Variants in SOS2 observed in about 807,000 individuals in gnomAD.
The protein encoded by SOS2 is son of sevenless homolog 2.
In SOS2, 65 loss-of-function variants were observed where a neutral mutation model predicts 148.2. The ratio of observed to expected loss-of-function variants is 0.44; its 90% CI spans 0.36 to 0.54. The LOEUF (loss-of-function observed/expected upper bound fraction) is 0.54. Ranked by LOEUF, SOS2 falls within the 20% of genes least tolerant of loss-of-function variation. The pLI, the probability that SOS2 is intolerant of heterozygous loss-of-function variation, is 0.00. For missense variants in SOS2, 1,341 were observed against 1,590.2 expected (o/e 0.84, Z 2.67); for synonymous variants, 539 against 537.1 (o/e 1.00, Z -0.05).
rs2139783376 is a variant in SOS2 at position 50,200,947 on chromosome 14, T to C, written c.345+6A>G. Reference sequence around the variant, plus strand: ...ACCCCCCAACTAATGTTTAATCTTTTGTTACCTTCAACGAAGGATGGATTT... The same window carrying C: ...ACCCCCCAACTAATGTTTAATCTTTCGTTACCTTCAACGAAGGATGGATTT... On this transcript the variant is annotated splice_donor_region_variant and intron_variant, in intron 3 of 22. Transcript: ENST00000216373. 6.2e-7 allele frequency: 1 copy of C among 1,613,378 alleles called. No individual in the cohort carries two copies. Among genetic ancestry groups the C allele is most frequent in the Non-Finnish European group, 8.5e-7 (1 of 1,179,556 alleles).
intron 21 of SOS2, among the ~76,000 whole-genome samples, chr14:50,124,429 T>C (rs1306003248): frequency 2.0e-5 from 3 of 152,240 alleles, no homozygotes; most frequent in Non-Finnish European, 4.4e-5. Context: ...TTGTCTTTCT[T>C]GTTTGCCACT....
At chr14:50,139,674 AAC>A (rs1200838149) in intron 17 of SOS2, among the ~76,000 whole-genome samples, 6 of 152,238 alleles carry the variant, frequency 3.9e-5, no homozygotes, top group South Asian at 2.1e-4. Context: ...TGATAAAAAT[AAC>A]AGTTACCATT....
intron 1 of SOS2, among the ~76,000 whole-genome samples, chr14:50,225,952 A>AAAAC (rs10534429): frequency 6.6e-5 from 10 of 151,564 alleles, no homozygotes; most frequent in Admixed American, 5.3e-4. Flanking sequence ...AGACCTATTC[A>AAAAC]AAACAAACAA....
chr14:50,218,275 C>T (rs1459179404), intron 1 of SOS2, among the ~76,000 whole-genome samples: 1 of 142,310 alleles, frequency 7.0e-6, no homozygotes. Flanking sequence ...GTAATCCCAG[C>T]ACTTTGGGAG....
In SOS2 at chr14:50,120,309, CGAGGAGGAA is replaced by C; in HGVS notation, c.3446_3454del (p.Leu1149_Pro1151del). ...TGAAGCATCATGATCAAACTTTTTT[CGAGGAGGAA>C]GAGGAGGAGGAATCAGGGGCTCTTC... On this transcript the variant is annotated inframe_deletion, in exon 22 of 23. Coordinates refer to ENST00000216373, the MANE Select transcript of SOS2 (RefSeq NM_006939.4). The C allele has an allele frequency of 6.2e-7, 1 of 1,604,400 alleles. No homozygotes were observed. Among genetic ancestry groups the C allele is most frequent in the Non-Finnish European group, 8.5e-7 (1 of 1,173,652 alleles).
At chr14:50,143,565 G>A (rs1365479624) in intron 16 of SOS2, among the ~76,000 whole-genome samples, 1 of 151,992 alleles carries the variant, frequency 6.6e-6, no homozygotes, top group East Asian at 1.9e-4. Flanking sequence ...AGCCTCCTGA[G>A]TAGCTGGGAT....
At chr14:50,154,728 T>G (rs1169115547) in intron 12 of SOS2, among the ~76,000 whole-genome samples, 1 of 152,134 alleles carries the variant, frequency 6.6e-6, no homozygotes, top group African/African-American at 2.4e-5. Flanking sequence ...TTATTAAGAC[T>G]CTAAAACAGG....
intron 1 of SOS2, among the ~76,000 whole-genome samples, chr14:50,208,786 G>T (rs1258797912): frequency 6.6e-6 from 1 of 152,188 alleles, no homozygotes; most frequent in Non-Finnish European, 1.5e-5. Flanking sequence ...ATATTTGGAG[G>T]TCCTGGCTAT....
At chr14:50,167,075 C>CA (rs924244920) in intron 8 of SOS2, among the ~76,000 whole-genome samples, 1 of 151,786 alleles carries the variant, frequency 6.6e-6, no homozygotes, top group Non-Finnish European at 1.5e-5. Flanking sequence ...CCAAAACAAA[C>CA]AAAAAACCCG....
At chr14:50,123,723 C>T (rs1883596948) in intron 21 of SOS2, among the ~76,000 whole-genome samples, 1 of 152,130 alleles carries the variant, frequency 6.6e-6, no homozygotes, top group Non-Finnish European at 1.5e-5. Flanking sequence ...AGGTCTAACT[C>T]AGATTCTAAA....
intron 16 of SOS2, 50 bp downstream of exon 16, chr14:50,145,120 C>A: frequency 9.2e-7 from 1 of 1,086,980 alleles, no homozygotes; most frequent in Admixed American, 2.9e-5. Flanking sequence ...TTCTTTTATG[C>A]TAATTTCATC....
In SOS2 at chr14:50,224,900, A is replaced by G. The variant is rs550187522; in HGVS notation, c.87+6297T>C. Among the ~76,000 whole-genome samples the G allele has an allele frequency of 6.0e-4, 90 of 150,414 alleles. 2 individuals carry two copies. Among genetic ancestry groups the G allele is most frequent in the African/African-American group, 2.1e-3 (85 of 41,136 alleles). On this transcript the variant is annotated intron_variant, in intron 1 of 22. Transcript: ENST00000216373. The stretch of plus-strand genomic sequence containing the variant: ...AACCCTGTCAAAAAAAAAAAAAAAG[A>G]GAGAGAGAGAGAAATAGTGTTTGAG...
chr14:50,197,689 C>CTTTTTTTTTTTTTTTTTTT lies in SOS2; in HGVS notation c.510+1983_510+2001dup, dbSNP rs35121759. Among the ~76,000 whole-genome samples the CTTTTTTTTTTTTTTTTTTT allele has an allele frequency of 2.4e-5, 3 of 125,852 alleles. 1 individual carries two copies. Among genetic ancestry groups the CTTTTTTTTTTTTTTTTTTT allele is most frequent in the Non-Finnish European group, 5.0e-5 (3 of 59,740 alleles). 82.6% of individuals were successfully genotyped at this position (125,852 alleles called of 152,430 possible). On this transcript the variant is annotated intron_variant, in intron 4 of 22. Transcript: ENST00000216373. The stretch of plus-strand genomic sequence containing the variant: ...TCTTGAATAAAGTCAGCTTTACCAC[C>CTTTTTTTTTTTTTTTTTTT]TTTTTTTTTTTTTTTTTTTGAAACA...
At chr14:50,204,724 T>C (rs1184765476) in intron 1 of SOS2, among the ~76,000 whole-genome samples, 1 of 152,102 alleles carries the variant, frequency 6.6e-6, no homozygotes, top group Non-Finnish European at 1.5e-5. Context: ...CTGAAGTCAA[T>C]AAACCTACTT....
chr14:50,165,477 T>C (rs1273598141), intron 8 of SOS2, among the ~76,000 whole-genome samples: 1 of 152,148 alleles, frequency 6.6e-6, no homozygotes, highest in Non-Finnish European at 1.5e-5. Context: ...TTTTTTTTAC[T>C]CCACTGAACA....
chr14:50,181,947 T>C (rs937472574), intron 6 of SOS2, among the ~76,000 whole-genome samples: 5 of 150,832 alleles, frequency 3.3e-5, no homozygotes, highest in Non-Finnish European at 7.4e-5. Context: ...TAAAGAGCTA[T>C]GGTCAATAAA....
intron 9 of SOS2, among the ~76,000 whole-genome samples, chr14:50,161,022 A>T (rs977597619): frequency 6.6e-6 from 1 of 151,310 alleles, no homozygotes; most frequent in African/African-American, 2.4e-5. Context: ...TAAAAAAAAG[A>T]AAAAAAGGCT....
chr14:50,192,294 G>A (rs957217390), intron 4 of SOS2, among the ~76,000 whole-genome samples: 4 of 151,918 alleles, frequency 2.6e-5, no homozygotes, highest in Non-Finnish European at 5.9e-5. Flanking sequence ...GGTGGCTCAC[G>A]CCTATAATCC....
chr14:50,135,642 C>CTTTTTT lies in SOS2; in HGVS notation c.2959-1409_2959-1404dup, dbSNP rs56043962. ...AATTAACTTTTTTCAATGTGGTTTG[C>CTTTTTT]TTTTTTTTTTTTTTTTTTTTTTGAG... On this transcript the variant is annotated intron_variant, in intron 18 of 22. Transcript: ENST00000216373. Among the ~76,000 whole-genome samples the CTTTTTT allele has an allele frequency of 1.8e-3, 150 of 82,546 alleles. 1 individual carries two copies. The highest frequency in any genetic ancestry group is 2.2e-3 in the Non-Finnish European group (99 of 45,164). 54.2% of individuals were successfully genotyped at this position (82,546 alleles called of 152,430 possible).
Sources: allele counts gnomAD v4.1 joint callset (sites outside exome capture counted in the v4.1 genomes callset), GRCh38; gene constraint gnomAD v4.1.1; transcripts MANE v1.5; gene names NCBI Gene and HGNC (gene_info 2026-07-23, HGNC 2026-07-21).